The following VTCN1 variants were observed in gnomAD, a reference collection of about 807,000 sequenced individuals.
VTCN1 encodes V-set domain containing T cell activation inhibitor 1, also known as V-set domain-containing T-cell activation inhibitor 1.
Under a neutral mutation model 26.5 loss-of-function variants are expected in VTCN1, and 26 were observed. The ratio of observed to expected loss-of-function variants is 0.98; its 90% CI spans 0.72 to 1.36. The LOEUF (loss-of-function observed/expected upper bound fraction) is 1.36, where lower values mean the gene tolerates loss of function less well. Among genes scored for constraint, VTCN1 ranks in the 40% most tolerant of loss-of-function variants. The pLI is 0.00. For synonymous variants in VTCN1, 116 were observed against 130.7 expected, an observed-to-expected ratio of 0.89 and a Z score of 0.77; for missense variants, 298 against 337.7, an observed-to-expected ratio of 0.88 and a Z score of 0.92.
chr1:117,148,328 AC>A (rs953607811), intron 4 of VTCN1, among the ~76,000 whole-genome samples: 1 of 152,194 alleles, frequency 6.6e-6, no homozygotes, highest in Non-Finnish European at 1.5e-5. Context: ...TAGGCAAGTT[AC>A]TCAATGTATG....
rs1164689971 is a variant in VTCN1, at chr1:117,183,891, A to G, written c.33-13720T>C. On this transcript the variant is annotated intron_variant, in intron 1 of 5. Coordinates refer to ENST00000369458, the MANE Select transcript of VTCN1 (RefSeq NM_024626.4). The surrounding 1 kb of genome is among the most constrained non-coding windows in gnomAD (Gnocchi z 4.1). ...TGCAGAGGCTAAAAATGAAACCAGC[A>G]CATGAGTCCAGATCAGTAAGAGAGT... Among the ~76,000 whole-genome samples, 8 of 152,224 alleles carry G rather than the reference A, an allele frequency of 5.3e-5. No individual in the cohort carries two copies.
chr1:117,150,008 C>T (rs187392509), intron 4 of VTCN1, among the ~76,000 whole-genome samples: 12 of 152,312 alleles, frequency 7.9e-5, no homozygotes, highest in Admixed American at 5.9e-4. Context: ...ATGTCTATGT[C>T]TTGTTCAGTT....
chr1:117,180,169 G>C (rs1227836638), intron 1 of VTCN1, among the ~76,000 whole-genome samples: 3 of 152,102 alleles, frequency 2.0e-5, no homozygotes, highest in African/African-American at 7.2e-5. Context: ...AAACTGGAGG[G>C]GGCATGAGTA....
intron 1 of VTCN1, among the ~76,000 whole-genome samples, chr1:117,209,176 T>G (rs1252519720): frequency 6.6e-6 from 1 of 151,932 alleles, no homozygotes; most frequent in Non-Finnish European, 1.5e-5. Flanking sequence ...ACAAGAGGAG[T>G]CTCTGTTGAT....
At chr1:117,172,789 T>TAAATGCACCAATCAGCACTCTGTAA (rs67928130) in intron 1 of VTCN1, among the ~76,000 whole-genome samples, 4 of 151,418 alleles carry the variant, frequency 2.6e-5, no homozygotes, top group African/African-American at 7.3e-5. Flanking sequence ...TGAAGGATTG[T>TAAATGCACCAATCAGCACTCTGTAA]AAATGCACCA....
At chr1:117,210,707 G>A in intron 1 of VTCN1, 117 bp downstream of exon 1, 3 of 1,129,264 alleles carry the variant, frequency 2.7e-6, no homozygotes, top group Non-Finnish European at 4.0e-6. Flanking sequence ...CCCAATGCTG[G>A]ATCAGATAAA....
chr1:117,164,906 T>C (rs555588647), intron 2 of VTCN1, among the ~76,000 whole-genome samples: 1 of 152,330 alleles, frequency 6.6e-6, no homozygotes, highest in African/African-American at 2.4e-5. Flanking sequence ...CCACCGCAAA[T>C]GCATTTTATG....
At chr1:117,179,012 T>G (rs566684805) in intron 1 of VTCN1, among the ~76,000 whole-genome samples, 1 of 152,308 alleles carries the variant, frequency 6.6e-6, no homozygotes, top group South Asian at 2.1e-4. Flanking sequence ...TCAGGCTAAT[T>G]TAATAGCAAT....
Position 117,161,127 on chromosome 1 carries a change from A to C in VTCN1, c.98-4206T>G, listed in dbSNP as rs1399762170. 6.6e-6 allele frequency among the ~76,000 whole-genome samples: 1 copy of C among 152,190 alleles called. No homozygotes were observed. Among genetic ancestry groups the C allele is most frequent in the Non-Finnish European group, 1.5e-5 (1 of 68,024 alleles). On this transcript the variant is annotated intron_variant, in intron 2 of 5. Coordinates refer to ENST00000369458, the MANE Select transcript of VTCN1 (RefSeq NM_024626.4). This position sits in a 1 kb window ranked among gnomAD's most constrained non-coding sequence, Gnocchi z 4.3. ...GGACAAAATGAAGTTTTTGCTGTGTAATAAGAACACAACACACCTCCATTC... is the reference window on the plus strand; with the variant it reads ...GGACAAAATGAAGTTTTTGCTGTGTCATAAGAACACAACACACCTCCATTC...
At chr1:117,153,817 A>G (rs759919429) in intron 3 of VTCN1, among the ~76,000 whole-genome samples, 7 of 152,210 alleles carry the variant, frequency 4.6e-5, no homozygotes, top group African/African-American at 1.4e-4. Context: ...AACAGCATTC[A>G]TCTATCACCC....
chr1:117,176,518 T>C (rs2101541105), intron 1 of VTCN1, among the ~76,000 whole-genome samples: 1 of 152,362 alleles, frequency 6.6e-6, no homozygotes, highest in Non-Finnish European at 1.5e-5. Context: ...CAAACATGAA[T>C]GGTTTCTATG....
At chr1:117,163,567 C>T (rs1412201823) in intron 2 of VTCN1, among the ~76,000 whole-genome samples, 1 of 152,070 alleles carries the variant, frequency 6.6e-6, no homozygotes. Flanking sequence ...TCATTTTAAG[C>T]CATGAGAGAG....
Position 117,155,049 on chromosome 1 carries a change from T to G in VTCN1, c.445+1525A>C, listed in dbSNP as rs1557861234. ...ACAGTTTTGAGGAGTACTGGTTAGGTATTTTGAGGAGTACCGGTTAGGTAT... is the reference window on the plus strand; with the variant it reads ...ACAGTTTTGAGGAGTACTGGTTAGGGATTTTGAGGAGTACCGGTTAGGTAT... On this transcript the variant is annotated intron_variant, in intron 3 of 5. Transcript: ENST00000369458. This position sits in a 1 kb window ranked among gnomAD's most constrained non-coding sequence, Gnocchi z 4.8. Among the ~76,000 whole-genome samples, 1 of 152,094 alleles carries G rather than the reference T, an allele frequency of 6.6e-6. No homozygotes were observed. Among genetic ancestry groups the G allele is most frequent in the Non-Finnish European group, 1.5e-5 (1 of 68,016 alleles).
intron 1 of VTCN1, among the ~76,000 whole-genome samples, chr1:117,185,200 G>A (rs951821069): frequency 3.3e-5 from 5 of 152,112 alleles, no homozygotes; most frequent in Non-Finnish European, 7.3e-5. Context: ...GTTCCAAGTG[G>A]TCACTTCAAG....
chr1:117,205,092 T>TATATATGTATATGTAC (rs1227150982), intron 1 of VTCN1, among the ~76,000 whole-genome samples: 9 of 5,404 alleles, frequency 1.7e-3, no homozygotes, highest in Admixed American at 0.014. Flanking sequence ...TATATGTATG[T>TATATATGTATATGTAC]ATGTATATGT....
In VTCN1 at chr1:117,147,894, T is replaced by C. The variant is rs1024576220; in HGVS notation, c.725-112A>G. The C allele has an allele frequency of 3.8e-5, 55 of 1,445,708 alleles. No individual in the cohort carries two copies. The highest frequency in any genetic ancestry group is 1.2e-5 in the Non-Finnish European group (13 of 1,084,234). 89.6% of individuals were successfully genotyped at this position (1,445,708 alleles called of 1,614,324 possible). On this transcript the variant is annotated intron_variant, in intron 4 of 5. Transcript: ENST00000369458. The surrounding 1 kb of genome is among the most constrained non-coding windows in gnomAD (Gnocchi z 4.6). ...AAAAACAGAACAAGTTGTTCCTAAT[T>C]CAGGCAATTTTTTACCCCTTTGCCC...
At chr1:117,189,466 G>T (rs1648131885) in intron 1 of VTCN1, among the ~76,000 whole-genome samples, 1 of 152,184 alleles carries the variant, frequency 6.6e-6, no homozygotes, top group Non-Finnish European at 1.5e-5. Context: ...GTCGTTCCAC[G>T]AAAGGGAGAC....
rs938742352 is a variant in VTCN1, at chr1:117,175,332, G to T, written c.33-5161C>A. On this transcript the variant is annotated intron_variant, in intron 1 of 5. Coordinates refer to ENST00000369458, the MANE Select transcript of VTCN1 (RefSeq NM_024626.4). The surrounding 1 kb of genome is among the most constrained non-coding windows in gnomAD (Gnocchi z 4.2). Reference sequence around the variant, plus strand: ...CTCAGTAGGGCCAGAAACTACTTCAGGGGATATAAAAAATGCACAGATATA... The same window carrying T: ...CTCAGTAGGGCCAGAAACTACTTCATGGGATATAAAAAATGCACAGATATA... 7.2e-5 allele frequency among the ~76,000 whole-genome samples: 11 copies of T among 152,164 alleles called. No individual in the cohort carries two copies. The highest frequency in any genetic ancestry group is 2.7e-4 in the African/African-American group (11 of 41,438).
intron 1 of VTCN1, among the ~76,000 whole-genome samples, chr1:117,205,081 G>A (rs539749005): frequency 0.084 from 617 of 7,346 alleles, 3 homozygotes; most frequent in Middle Eastern, 0.12. Context: ...ATATGTACAT[G>A]TATATGTATG....
Sources: gnomAD v4.1 joint callset for allele counts (sites outside exome capture counted in the v4.1 genomes callset) on GRCh38, gnomAD v4.1.1 for gene constraint, Gnocchi (gnomAD v3.1) non-coding constraint, MANE v1.5 for transcripts, NCBI Gene and HGNC (gene_info 2026-07-23, HGNC 2026-07-21) for gene names.